DNAH2: variants seen among roughly 807,000 people sequenced by gnomAD.
The protein encoded by DNAH2 is dynein axonemal heavy chain 2.
A neutral mutation model predicts 523.5 loss-of-function variants in DNAH2; 323 were observed. That is an observed-to-expected ratio of 0.62 (90% CI 0.56 to 0.68). DNAH2 has a LOEUF of 0.68. Ranked by LOEUF, DNAH2 falls within the 30% of genes least tolerant of loss-of-function variation. The pLI is 0.00. For missense variants in DNAH2, 4,907 were observed against 5,701.5 expected (o/e 0.86, Z 4.49); for synonymous variants, 2,093 against 2,177.4 (o/e 0.96, Z 1.08).
At position 7,763,729 on chromosome 17, in the gene DNAH2, C is replaced by G; in HGVS notation, c.2979-102C>G. 5.0e-6 allele frequency: 7 copies of G among 1,412,448 alleles called. No homozygotes were observed. The South Asian group carries it at 8.8e-5, about 18-fold the overall frequency. 87.5% of individuals were successfully genotyped at this position (1,412,448 alleles called of 1,614,324 possible). The stretch of plus-strand genomic sequence containing the variant: ...TAGAAGAACACTCTAGAACTGCTGC[C>G]CAGGTTTGGGTGGAAGGAAATGAGA... On this transcript the variant is annotated intron_variant, in intron 18 of 85. Coordinates refer to ENST00000572933, the MANE Select transcript of DNAH2 (RefSeq NM_020877.5).
chr17:7,785,199 T>A (rs1254485205), intron 39 of DNAH2, among the ~76,000 whole-genome samples: 8 of 151,774 alleles, frequency 5.3e-5, no homozygotes, highest in African/African-American at 1.9e-4. Flanking sequence ...CCTCCCAGGT[T>A]CAAGCGATTC....
intron 30 of DNAH2, among the ~76,000 whole-genome samples, chr17:7,775,554 G>T (rs1424865799): frequency 6.6e-6 from 1 of 151,896 alleles, no homozygotes; most frequent in African/African-American, 2.4e-5. Flanking sequence ...GCGCGGTGGC[G>T]CATGCTGGTA....
Position 7,807,664 on chromosome 17 carries a change from C to G in DNAH2, c.9729+78C>G. The G allele has an allele frequency of 7.7e-7, 1 of 1,293,264 alleles. No individual in the cohort carries two copies. Among genetic ancestry groups the G allele is most frequent in the Non-Finnish European group, 1.1e-6 (1 of 909,078 alleles). 80.1% of individuals were successfully genotyped at this position (1,293,264 alleles called of 1,614,324 possible). A position where few individuals can be genotyped will look rare whatever the true frequency, so the allele number is the denominator to read the frequency against. On this transcript the variant is annotated intron_variant, in intron 63 of 85. Transcript: ENST00000572933. The surrounding 1 kb of genome is among the most constrained non-coding windows in gnomAD (Gnocchi z 5.6). ...TTGCTTCATTAAGCATTTGTTTTCC[C>G]CCATCTAATTCTAGCCCCCTTCCCC... is the stretch of plus-strand genomic sequence containing the variant.
chr17:7,720,796 T>G (rs1328203215), intron 2 of DNAH2, among the ~76,000 whole-genome samples: 1 of 152,122 alleles, frequency 6.6e-6, no homozygotes, highest in African/African-American at 2.4e-5. Flanking sequence ...AATGTATCCT[T>G]CTGAGTTCTG....
At chr17:7,830,517 C>A in intron 78 of DNAH2, 26 bp downstream of exon 78, 1 of 1,611,526 alleles carries the variant, frequency 6.2e-7, no homozygotes, top group Non-Finnish European at 8.5e-7. Context: ...GGGTCCTCAT[C>A]CCAGCCCTCT....
intron 12 of DNAH2, among the ~76,000 whole-genome samples, chr17:7,746,628 G>A (rs1044149203): frequency 6.6e-6 from 1 of 151,948 alleles, no homozygotes; most frequent in Admixed American, 6.6e-5. Context: ...TCTTTACTGG[G>A]TATTTTAAAA....
At chr17:7,763,121 G>A (rs1178439966) in intron 18 of DNAH2, among the ~76,000 whole-genome samples, 1 of 151,720 alleles carries the variant, frequency 6.6e-6, no homozygotes, top group East Asian at 1.9e-4. Context: ...GATTACAGGT[G>A]CCCGCCACCA....
Position 7,754,450 on chromosome 17 carries a change from A to G in DNAH2, c.1905-2641A>G. On this transcript the variant is annotated intron_variant, in intron 12 of 85. Coordinates refer to ENST00000572933, the MANE Select transcript of DNAH2 (RefSeq NM_020877.5). The surrounding 1 kb of genome is among the most constrained non-coding windows in gnomAD (Gnocchi z 4.6). ...CCGAAAATGGCACAGAAATGGTATC[A>G]AGAAACCGCGATCACAAAGATACAA... is the stretch of plus-strand genomic sequence containing the variant. 1 of 676,384 alleles carries G rather than the reference A, an allele frequency of 1.5e-6. No homozygotes were observed. 41.9% of individuals were successfully genotyped at this position (676,384 alleles called of 1,614,324 possible). A position where few individuals can be genotyped will look rare whatever the true frequency, so the allele number is the denominator to read the frequency against.
Position 7,778,455 on chromosome 17 carries a change from T to C in DNAH2, c.5527T>C (p.Ser1843Pro). Residue 1843 changes from serine (S) to proline (P), a missense_variant, in exon 35 of 86, where the codon TCA (serine) becomes CCA (proline). Transcript: ENST00000572933. ...LDYKSMGRMY[S>P]GLAQTGAWGC... ...CTACAAGTCCATGGGCCGAATGTAC[T>C]CAGGTCTGGCCCAGGTCAGTATCCT... The C allele has an allele frequency of 6.2e-7, 1 of 1,613,966 alleles. No homozygotes were observed. Among genetic ancestry groups the C allele is most frequent in the Non-Finnish European group, 8.5e-7 (1 of 1,179,952 alleles).
rs752073195 is a variant in DNAH2 at position 7,737,232 on chromosome 17, G to A, written c.1144G>A (p.Glu382Lys). Residue 382 changes from glutamate to lysine, a missense_variant, in exon 8 of 86, where the codon GAG becomes AAG. By Grantham distance (56) the Glu-to-Lys change is moderately conservative. Transcript: ENST00000572933. Reference protein sequence around the residue: ...WVNSPHYNTRERLTSLFRKVC... With the variant: ...WVNSPHYNTRKRLTSLFRKVC... ...CAACTCTCCCCACTACAACACTCGG[G>A]AGAGACTGACCTCGCTCTTCCGAAA... is the stretch of plus-strand genomic sequence containing the variant. The A allele has an allele frequency of 6.2e-7, 1 of 1,614,078 alleles. No individual in the cohort carries two copies. Among genetic ancestry groups the A allele is most frequent in the African/African-American group, 1.3e-5 (1 of 75,024 alleles).
In DNAH2 at chr17:7,781,039, C is replaced by T; in HGVS notation, c.6004-3C>T. 1 of 1,614,034 alleles carries T rather than the reference C, an allele frequency of 6.2e-7. No individual in the cohort carries two copies. The highest frequency in any genetic ancestry group is 8.5e-7 in the Non-Finnish European group (1 of 1,180,054). On this transcript the variant is annotated splice_region_variant and splice_polypyrimidine_tract_variant and intron_variant, in intron 38 of 85. Transcript: ENST00000572933. ...GCCTGAGTCTCTGTCTTTTCCCATT[C>T]AGGTTCTGCTGCTCTCAATGAGAGA... is the stretch of plus-strand genomic sequence containing the variant.
intron 63 of DNAH2, among the ~76,000 whole-genome samples, chr17:7,815,674 TCA>T (rs559861054): frequency 2.3e-4 from 34 of 148,080 alleles, no homozygotes; most frequent in Admixed American, 4.7e-4. Context: ...ATATACGGGA[TCA>T]CACACACATA....
At chr17:7,789,273 C>G (rs979967668) in intron 44 of DNAH2, among the ~76,000 whole-genome samples, 2 of 152,214 alleles carry the variant, frequency 1.3e-5, no homozygotes, top group Non-Finnish European at 2.9e-5. Flanking sequence ...GAAGGACGGG[C>G]TGGGTAGGGG....
At position 7,786,052 on chromosome 17, in the gene DNAH2, C is replaced by A; in HGVS notation, c.6130-72C>A. ...AGTTTGAACGTATTCTCTCTGGCAC[C>A]GGGGAGATTTTGAAAGCCCTTTAAA... On this transcript the variant is annotated intron_variant, in intron 39 of 85. Coordinates refer to ENST00000572933, the MANE Select transcript of DNAH2 (RefSeq NM_020877.5). This position sits in a 1 kb window ranked among gnomAD's most constrained non-coding sequence, Gnocchi z 7.5. The A allele has an allele frequency of 1.3e-6, 2 of 1,509,006 alleles. No individual in the cohort carries two copies. The highest frequency in any genetic ancestry group is 1.8e-6 in the Non-Finnish European group (2 of 1,094,548). 93.5% of individuals were successfully genotyped at this position (1,509,006 alleles called of 1,614,324 possible).
intron 32 of DNAH2, among the ~76,000 whole-genome samples, 195 bp from the exon 33 acceptor site, chr17:7,777,251 G>A (rs1167537034): frequency 1.3e-5 from 2 of 152,152 alleles, no homozygotes; most frequent in Non-Finnish European, 2.9e-5. Flanking sequence ...AGGTGAGCTG[G>A]TGGAAAAGGG....
At chr17:7,830,872 C>G in intron 79 of DNAH2, 30 bp downstream of exon 79, 1 of 1,612,128 alleles carries the variant, frequency 6.2e-7, no homozygotes, top group Non-Finnish European at 8.5e-7. Context: ...GGACAGGGAG[C>G]CAGAGGTCAC....
chr17:7,801,613 G>A lies in DNAH2; in HGVS notation c.8735G>A (p.Cys2912Tyr). ...CGCCAGTACCCAGCCTTGGTGAACT[G>A]CACAACCATCAACTGGTTCTCAGAG... ...WIRQYPALVN[C>Y]TTINWFSEWP... Residue 2912 changes from cysteine to tyrosine, a missense_variant, in exon 57 of 86, where the codon TGC becomes TAC. Around this residue, in one of 3 missense-constraint regions of DNAH2, gnomAD observed 1,851 missense variants for 2,139.4 expected, o/e 0.87. Transcript: ENST00000572933. The A allele has an allele frequency of 6.2e-7, 1 of 1,614,164 alleles. No homozygotes were observed. The highest frequency in any genetic ancestry group is 8.5e-7 in the Non-Finnish European group (1 of 1,180,020).
rs2077386951 is a variant in DNAH2, at chr17:7,807,104, G to A, written c.9443-46G>A. ...GGAGGTGAAACTGCTGGACAAGGAG[G>A]ATGGCATTAAGCCTCTGGCTAAGGC... On this transcript the variant is annotated intron_variant, in intron 61 of 85. Transcript: ENST00000572933. This position sits in a 1 kb window ranked among gnomAD's most constrained non-coding sequence, Gnocchi z 5.6. 1 of 1,579,332 alleles carries A rather than the reference G, an allele frequency of 6.3e-7. No homozygotes were observed. The highest frequency in any genetic ancestry group is 1.1e-5 in the South Asian group (1 of 88,352).
Position 7,764,124 on chromosome 17 carries a change from C to T in DNAH2, c.3187C>T (p.Arg1063Cys), listed in dbSNP as rs149819152. The T allele has an allele frequency of 3.0e-4, 481 of 1,614,198 alleles. 2 individuals are homozygous for T. The highest frequency in any genetic ancestry group is 3.3e-4 in the Middle Eastern group (2 of 6,062). Residue 1063 changes from arginine to cysteine, a missense_variant, in exon 20 of 86, where the codon CGC (arginine) becomes TGC (cysteine). Transcript: ENST00000572933. ...CCCTTTGCCCGCCTTCAGAATCAGC[C>T]GCCCTCCGCAGACACTGGAGGAACT... is the stretch of plus-strand genomic sequence containing the variant. ...YLKENAEKIS[R>C]PPQTLEELGV...
Sources: gnomAD v4.1 joint callset for allele counts (sites outside exome capture counted in the v4.1 genomes callset) on GRCh38, gnomAD v4.1.1 for gene constraint, gnomAD v4.1.1 regional missense constraint, Gnocchi (gnomAD v3.1) non-coding constraint, MANE v1.5 for transcripts, NCBI Gene and HGNC (gene_info 2026-07-23, HGNC 2026-07-21) for gene names.